The following SLC24A2 variants were observed in gnomAD, a reference collection of about 807,000 sequenced individuals.
SLC24A2 encodes the protein sodium/potassium/calcium exchanger 2.
SLC24A2 carries 36 observed loss-of-function variants against 62.0 expected under a neutral mutation model. That is an observed-to-expected ratio of 0.58 (90% CI 0.44 to 0.77). SLC24A2 has a LOEUF of 0.77. Among genes scored for constraint, SLC24A2 ranks in the 30% least tolerant of loss-of-function variants. The pLI is 0.00. For missense variants in SLC24A2, 846 were observed against 817.9 expected, an observed-to-expected ratio of 1.03 and a Z score of -0.42; for synonymous variants, 358 against 294.0, an observed-to-expected ratio of 1.22 and a Z score of -2.23.
At chr9:19,687,352 C>G (rs896291932) in intron 2 of SLC24A2, among the ~76,000 whole-genome samples, 6 of 152,104 alleles carry the variant, frequency 3.9e-5, no homozygotes, top group Admixed American at 2.6e-4. Context: ...ATGTTACTCA[C>G]CCCTTGTGTA....
intron 7 of SLC24A2, among the ~76,000 whole-genome samples, chr9:19,572,532 T>G (rs2017335): frequency 0.036 from 5,412 of 152,196 alleles, 366 homozygotes; most frequent in East Asian, 0.32. Flanking sequence ...TTCCCTCTTT[T>G]TCTTTCCTGC....
At chr9:19,551,374 G>A (rs1276191041) in intron 7 of SLC24A2, among the ~76,000 whole-genome samples, 1 of 152,212 alleles carries the variant, frequency 6.6e-6, no homozygotes, top group Non-Finnish European at 1.5e-5. Flanking sequence ...GAAGTCAGTA[G>A]CTTCTGAAGT....
chr9:19,691,166 C>T (rs527495293), intron 2 of SLC24A2, among the ~76,000 whole-genome samples: 1 of 152,214 alleles, frequency 6.6e-6, no homozygotes, highest in East Asian at 1.9e-4. Context: ...GAGAAGAGCC[C>T]TCACAAATAT....
chr9:19,973,558 G>A, the SLC24A2 span, among the ~76,000 whole-genome samples: 17 of 152,162 alleles, frequency 1.1e-4, no homozygotes, highest in Non-Finnish European at 1.5e-5. Context: ...CCATTTTCTT[G>A]CTATGTAATC....
chr9:20,209,611 G>A, the SLC24A2 span, among the ~76,000 whole-genome samples: 1 of 152,124 alleles, frequency 6.6e-6, no homozygotes, highest in Non-Finnish European at 1.5e-5. Flanking sequence ...TCAGACCTGA[G>A]AGCTTTCACA....
chr9:19,530,290 C>G (rs1833640900), intron 8 of SLC24A2, among the ~76,000 whole-genome samples: 2 of 152,082 alleles, frequency 1.3e-5, no homozygotes, highest in South Asian at 4.2e-4. Flanking sequence ...AGAGAAGAAC[C>G]CTCTTGCCAC....
the SLC24A2 span, among the ~76,000 whole-genome samples, chr9:20,159,621 G>C: frequency 6.6e-6 from 1 of 151,264 alleles, no homozygotes; most frequent in South Asian, 2.1e-4. Flanking sequence ...AGGAAGGAGA[G>C]AGAAAGGGAA....
chr9:19,557,474 T>C (rs1835153798), intron 7 of SLC24A2, among the ~76,000 whole-genome samples: 1 of 152,212 alleles, frequency 6.6e-6, no homozygotes, highest in Non-Finnish European at 1.5e-5. Flanking sequence ...GGAGTTTATC[T>C]GAATAGCTTG....
At chr9:19,806,118 T>A in the SLC24A2 span, among the ~76,000 whole-genome samples, 3 of 152,168 alleles carry the variant, frequency 2.0e-5, no homozygotes, top group African/African-American at 2.4e-5. Context: ...AATTTTATTT[T>A]AAAAATATAA....
the SLC24A2 span, among the ~76,000 whole-genome samples, chr9:20,199,360 C>T: frequency 4.9e-4 from 75 of 152,226 alleles, no homozygotes; most frequent in African/African-American, 1.7e-3. Context: ...ATTACTAAAC[C>T]CAAAGATGTT....
In SLC24A2 at chr9:19,529,751, G is replaced by GT. The variant is rs72029564; in HGVS notation, c.1480-1614dup. Among the ~76,000 whole-genome samples the GT allele has an allele frequency of 6.3e-3, 851 of 135,986 alleles. 1 individual carries two copies. The highest frequency in any genetic ancestry group is 0.014 in the South Asian group (60 of 4,148). The allele number at this position is 135,986 out of a possible 152,430, so 89.2% of individuals were successfully genotyped here. A position where few individuals can be genotyped will look rare whatever the true frequency, so the allele number is the denominator to read the frequency against. ...TTTTAAAGTGGAGTTGGAGACCTTC[G>GT]TTTTTTTTTTTTTTTTTAAGATGGA... On this transcript the variant is annotated intron_variant, in intron 8 of 10. Coordinates refer to ENST00000341998, the MANE Select transcript of SLC24A2 (RefSeq NM_020344.4).
the SLC24A2 span, among the ~76,000 whole-genome samples, chr9:20,270,864 T>A: frequency 2.0e-5 from 3 of 152,210 alleles, no homozygotes; most frequent in Non-Finnish European, 4.4e-5. Flanking sequence ...TCAGAAAGCA[T>A]TTAGAATTCT....
the SLC24A2 span, among the ~76,000 whole-genome samples, chr9:19,889,067 T>C: frequency 0.4 from 60,415 of 152,044 alleles, 12,588 homozygotes; most frequent in East Asian, 0.82. Context: ...GCTAGCACAG[T>C]AGAGACACTG....
the SLC24A2 span, among the ~76,000 whole-genome samples, chr9:19,849,989 G>A: frequency 6.6e-6 from 1 of 151,022 alleles, no homozygotes; most frequent in Non-Finnish European, 1.5e-5. Context: ...CCAGAAAAGG[G>A]GCCAGAAATC....
At chr9:20,033,617 G>A in the SLC24A2 span, among the ~76,000 whole-genome samples, 1 of 152,170 alleles carries the variant, frequency 6.6e-6, no homozygotes, top group East Asian at 1.9e-4. Flanking sequence ...AGGTTACGAT[G>A]ATATGCCCAG....
At chr9:19,534,239 G>C (rs946190295) in intron 8 of SLC24A2, among the ~76,000 whole-genome samples, 1 of 152,222 alleles carries the variant, frequency 6.6e-6, no homozygotes, top group Non-Finnish European at 1.5e-5. Context: ...TTCAAATCCA[G>C]CTTCTCTCAC....
chr9:20,280,155 G>A, the SLC24A2 span, among the ~76,000 whole-genome samples: 1 of 152,208 alleles, frequency 6.6e-6, no homozygotes, highest in African/African-American at 2.4e-5. Flanking sequence ...GTGGGCTTGG[G>A]AGAAAGGGAG....
At chr9:19,620,151 AT>A (rs1357331329) in intron 3 of SLC24A2, among the ~76,000 whole-genome samples, 4 of 152,228 alleles carry the variant, frequency 2.6e-5, no homozygotes, top group African/African-American at 9.6e-5. Context: ...GGTCTCTAAC[AT>A]TTTTGAAGTA....
the SLC24A2 span, among the ~76,000 whole-genome samples, chr9:20,266,487 A>G: frequency 2.0e-5 from 3 of 152,092 alleles, no homozygotes; most frequent in Non-Finnish European, 4.4e-5. Flanking sequence ...TAGTTCTTAG[A>G]CCACGAAAAG....
Sources: allele counts gnomAD v4.1 joint callset (sites outside exome capture counted in the v4.1 genomes callset), GRCh38; gene constraint gnomAD v4.1.1; transcripts MANE v1.5; gene names NCBI Gene and HGNC (gene_info 2026-07-23, HGNC 2026-07-21).